GPHN: variants seen among roughly 807,000 people sequenced by gnomAD.
GPHN encodes gephyrin.
In GPHN, 17 loss-of-function variants were observed where a neutral mutation model predicts 95.5. The observed-to-expected ratio is 0.18, with a 90% CI of 0.12 to 0.27. GPHN has a LOEUF of 0.27. Among genes scored for constraint, GPHN ranks in the 10% least tolerant of loss-of-function variants. GPHN has a pLI of 1.00. For synonymous variants in GPHN, 320 were observed against 322.5 expected, an observed-to-expected ratio of 0.99 and a Z score of 0.08; for missense variants, 660 against 978.1, an observed-to-expected ratio of 0.67 and a Z score of 4.34.
intron 1 of GPHN, among the ~76,000 whole-genome samples, chr14:66,605,216 A>G (rs894978465): frequency 2.0e-5 from 3 of 152,046 alleles, no homozygotes; most frequent in Non-Finnish European, 2.9e-5. Context: ...GTATATACCC[A>G]GTAATGGGAT....
At chr14:66,603,916 T>C (rs1477851909) in intron 1 of GPHN, among the ~76,000 whole-genome samples, 1 of 152,002 alleles carries the variant, frequency 6.6e-6, no homozygotes, top group African/African-American at 2.4e-5. Flanking sequence ...TAGTATTATC[T>C]GAGACAAATA....
chr14:67,600,461 G>A, the GPHN span, among the ~76,000 whole-genome samples: 1 of 152,202 alleles, frequency 6.6e-6, no homozygotes, highest in Admixed American at 6.5e-5. Flanking sequence ...TTTAGACCGG[G>A]CGCGTTGACT....
intron 4 of GPHN, among the ~76,000 whole-genome samples, chr14:66,842,490 G>C (rs972274847): frequency 9.9e-5 from 15 of 152,190 alleles, no homozygotes; most frequent in Non-Finnish European, 2.2e-4. Flanking sequence ...AGGGGAGGTT[G>C]TGGGGAATGA....
intron 8 of GPHN, among the ~76,000 whole-genome samples, chr14:66,951,472 C>T (rs2068104796): frequency 6.8e-6 from 1 of 147,856 alleles, no homozygotes; most frequent in Admixed American, 6.8e-5. Flanking sequence ...GCCAAGATCG[C>T]ACCACTGCAC....
At chr14:66,987,181 A>G (rs1396071122) in intron 9 of GPHN, among the ~76,000 whole-genome samples, 1 of 152,140 alleles carries the variant, frequency 6.6e-6, no homozygotes, top group Non-Finnish European at 1.5e-5. Flanking sequence ...CTCACTGTCT[A>G]TCTGTGAGGT....
At chr14:67,362,334 CTTG>C in the GPHN span, among the ~76,000 whole-genome samples, 1,560 of 151,932 alleles carry the variant, frequency 0.01, 27 homozygotes, top group African/African-American at 0.035. Flanking sequence ...AAGAGTCTTT[CTTG>C]TTGTATCATT....
chr14:67,538,770 C>G, the GPHN span, among the ~76,000 whole-genome samples: 2 of 152,118 alleles, frequency 1.3e-5, no homozygotes, highest in African/African-American at 4.8e-5. Flanking sequence ...TCCTCTCCAT[C>G]CCCAAGGCAG....
chr14:66,981,040 A>G (rs2070632449), intron 9 of GPHN, among the ~76,000 whole-genome samples: 1 of 152,262 alleles, frequency 6.6e-6, no homozygotes, highest in African/African-American at 2.4e-5. Context: ...CAAGAGTGAA[A>G]CTCCGTCTCA....
chr14:67,581,131 G>C, the GPHN span: 8 of 794,596 alleles, frequency 1.0e-5, no homozygotes, highest in South Asian at 4.4e-5. Flanking sequence ...TATCCAGACG[G>C]GGGGAGGGAC....
rs567348324 is a variant in GPHN, at chr14:66,534,554, A to T, written c.64+25963A>T. On this transcript the variant is annotated intron_variant, in intron 1 of 22. Transcript: ENST00000478722. ...TTTTGACTTACAAAGAAAACCTGCT[A>T]TGAATATTCTCGTGTATTTCTTTTT... 7.9e-5 allele frequency among the ~76,000 whole-genome samples: 12 copies of T among 152,302 alleles called. No individual in the cohort carries two copies. In the South Asian group the frequency reaches 2.5e-3, roughly 32 times the overall value.
the GPHN span, chr14:67,722,674 T>C: frequency 1.2e-6 from 2 of 1,613,990 alleles, no homozygotes; most frequent in Non-Finnish European, 1.7e-6. Context: ...CTCACCTCCT[T>C]CTTCTCGTTC....
chr14:66,613,790 G>C (rs1314057365), intron 1 of GPHN, among the ~76,000 whole-genome samples: 1 of 151,814 alleles, frequency 6.6e-6, no homozygotes, highest in African/African-American at 2.4e-5. Flanking sequence ...ATAATTGATG[G>C]GTTAAATAGC....
chr14:66,824,413 G>A (rs2061319750), intron 3 of GPHN, 61 bp from the exon 4 acceptor site: 1 of 799,364 alleles, frequency 1.3e-6, no homozygotes, highest in African/African-American at 1.7e-5. Flanking sequence ...CCTAGGACTG[G>A]GATGTTTTGA....
chr14:67,013,379 T>A (rs2073119561), intron 9 of GPHN, among the ~76,000 whole-genome samples: 1 of 152,076 alleles, frequency 6.6e-6, no homozygotes, highest in Non-Finnish European at 1.5e-5. Flanking sequence ...ATAGGGCTTA[T>A]GTTAAGAAAA....
At chr14:66,653,761 T>A (rs939006541) in intron 1 of GPHN, among the ~76,000 whole-genome samples, 1 of 151,134 alleles carries the variant, frequency 6.6e-6, no homozygotes, top group African/African-American at 2.5e-5. Context: ...ATATCAGGCG[T>A]TGGCCACATT....
the GPHN span, among the ~76,000 whole-genome samples, chr14:67,559,136 A>G: frequency 2.0e-5 from 3 of 152,202 alleles, no homozygotes; most frequent in East Asian, 5.8e-4. Context: ...CAACCTTTTC[A>G]ATCATCTCCT....
chr14:67,384,947 G>A, the GPHN span: 1 of 152,144 alleles, frequency 6.6e-6, no homozygotes, highest in African/African-American at 2.4e-5. Context: ...AATATAACAG[G>A]TGCTTCTTTG....
the GPHN span, chr14:67,585,452 G>A: frequency 1.5e-6 from 1 of 682,258 alleles, no homozygotes. Flanking sequence ...CCAAGATGAG[G>A]TGGCTGGAAA....
At chr14:66,747,373 G>C (rs1328326129) in intron 2 of GPHN, among the ~76,000 whole-genome samples, 2 of 151,944 alleles carry the variant, frequency 1.3e-5, no homozygotes, top group Admixed American at 6.6e-5. Flanking sequence ...ATAAACATCA[G>C]GTATTTTTGT....
Sources: allele counts gnomAD v4.1 joint callset (sites outside exome capture counted in the v4.1 genomes callset), GRCh38; gene constraint gnomAD v4.1.1; transcripts MANE v1.5; gene names NCBI Gene and HGNC (gene_info 2026-07-23, HGNC 2026-07-21).